The following ARFGEF1 variants were observed in gnomAD, a reference collection of about 807,000 sequenced individuals.
The protein encoded by ARFGEF1 is ARF guanine nucleotide exchange factor 1, also known as brefeldin A-inhibited guanine nucleotide-exchange protein 1.
ARFGEF1 carries 42 observed loss-of-function variants against 231.0 expected under a neutral mutation model. That is an observed-to-expected ratio of 0.18 (90% CI 0.14 to 0.24). The LOEUF (loss-of-function observed/expected upper bound fraction) is 0.24. Ranked by LOEUF, ARFGEF1 falls within the 10% of genes least tolerant of loss-of-function variation. The probability of loss-of-function intolerance (pLI) is 1.00; values close to 1 mark genes in which losing one functional copy is unlikely to be tolerated. For synonymous variants in ARFGEF1, 710 were observed against 732.3 expected (o/e 0.97, Z 0.49); for missense variants, 1,345 against 2,192.0 (o/e 0.61, Z 7.72).
chr8:67,175,356 C>T (rs750443075), downstream of ARFGEF1: 3 of 1,613,502 alleles, frequency 1.9e-6, no homozygotes, highest in Non-Finnish European at 2.5e-6. Flanking sequence ...GATCATCACA[C>T]CTTAGAGATT....
chr8:67,277,648 C>T (rs1805368794), intron 7 of ARFGEF1, among the ~76,000 whole-genome samples, 191 bp from the exon 8 acceptor site: 1 of 152,160 alleles, frequency 6.6e-6, no homozygotes, highest in South Asian at 2.1e-4. Context: ...AAATACAATC[C>T]TTAAGTTGCT....
intron 1 of ARFGEF1, among the ~76,000 whole-genome samples, chr8:67,322,011 G>A (rs1014475217): frequency 1.3e-5 from 2 of 152,152 alleles, no homozygotes; most frequent in Non-Finnish European, 2.9e-5. Flanking sequence ...CAATTGTAAA[G>A]GAACATTGTA....
chr8:67,343,139 T>TC, intron 1 of ARFGEF1, 25 bp downstream of exon 1: 1 of 335,798 alleles, frequency 3.0e-6, no homozygotes. Flanking sequence ...AAGCACCCCA[T>TC]CCCCCGGGCC....
chr8:67,204,969 C>T, intron 34 of ARFGEF1, 150 bp from the exon 35 acceptor site: 1 of 901,648 alleles, frequency 1.1e-6, no homozygotes, highest in Non-Finnish European at 1.6e-6. Context: ...ACAGGCACTA[C>T]TCAGTAAAAG....
At chr8:67,280,945 C>T (rs1424366543) in intron 7 of ARFGEF1, among the ~76,000 whole-genome samples, 3 of 151,752 alleles carry the variant, frequency 2.0e-5, no homozygotes, top group African/African-American at 7.3e-5. Flanking sequence ...TTAGATTTCA[C>T]AGCTGGGATA....
chr8:67,216,186 G>C (rs1463189839), intron 33 of ARFGEF1, among the ~76,000 whole-genome samples: 1 of 152,140 alleles, frequency 6.6e-6, no homozygotes, highest in Admixed American at 6.5e-5. Context: ...TGATATGAAT[G>C]TTTGCATTCC....
chr8:67,245,759 C>A lies in ARFGEF1; in HGVS notation c.2851-5469G>T, dbSNP rs1033317398. Among the ~76,000 whole-genome samples, 2 of 150,078 alleles carry A rather than the reference C, an allele frequency of 1.3e-5. 1 individual carries two copies. Among genetic ancestry groups the A allele is most frequent in the Non-Finnish European group, 3.0e-5 (2 of 67,730 alleles). Reference sequence around the variant, plus strand: ...GAGTAAGTCTTTATCAATAGTCACACTGAATATACATAGGCTAAACTCTTC... The same window carrying A: ...GAGTAAGTCTTTATCAATAGTCACAATGAATATACATAGGCTAAACTCTTC... On this transcript the variant is annotated intron_variant, in intron 19 of 38. Transcript: ENST00000262215.
chr8:67,262,624 C>G lies in ARFGEF1; in HGVS notation c.2124-2698G>C, dbSNP rs138229665. ...TCGTGAATGGAAGAGACAATCAAGG[C>G]AAAAAAGTTTACTGCTGTCTTATTT... is the stretch of plus-strand genomic sequence containing the variant. On this transcript the variant is annotated intron_variant, in intron 14 of 38. Transcript: ENST00000262215. 7.5e-4 allele frequency among the ~76,000 whole-genome samples: 114 copies of G among 152,090 alleles called. 1 individual carries two copies. Among genetic ancestry groups the G allele is most frequent in the African/African-American group, 2.6e-3 (107 of 41,508 alleles).
At chr8:67,233,001 C>A in intron 22 of ARFGEF1, 56 bp from the exon 23 acceptor site, 1 of 1,376,482 alleles carries the variant, frequency 7.3e-7, no homozygotes, top group Non-Finnish European at 1.0e-6. Context: ...TAGAAGAATA[C>A]ACTTAACAAG....
chr8:67,281,651 A>G (rs1805541293), intron 7 of ARFGEF1, among the ~76,000 whole-genome samples: 1 of 152,134 alleles, frequency 6.6e-6, no homozygotes, highest in Non-Finnish European at 1.5e-5. Flanking sequence ...GTAAAGGAAG[A>G]GACAAAGATA....
rs1806035698 is a variant in ARFGEF1, at chr8:67,292,131, T to A, written c.640-8A>T. The A allele has an allele frequency of 6.2e-7, 1 of 1,603,036 alleles. No individual in the cohort carries two copies. The highest frequency in any genetic ancestry group is 1.7e-5 in the Admixed American group (1 of 57,930). On this transcript the variant is annotated splice_region_variant and splice_polypyrimidine_tract_variant and intron_variant, in intron 5 of 38. Transcript: ENST00000262215. ...TTGTTTTGCTTCCTGTAACTGGAAA[T>A]AAATAAAATTTCCAATATTAGTAAA...
chr8:67,302,051 T>C (rs776962168), intron 2 of ARFGEF1, among the ~76,000 whole-genome samples: 7 of 151,848 alleles, frequency 4.6e-5, no homozygotes, highest in Admixed American at 2.6e-4. Flanking sequence ...TACAAAAAAT[T>C]AGACAGGCAT....
chr8:67,222,673 A>T, intron 29 of ARFGEF1, among the ~76,000 whole-genome samples: 1 of 151,470 alleles, frequency 6.6e-6, no homozygotes, highest in African/African-American at 2.4e-5. Flanking sequence ...ATGGTCTTGA[A>T]CTCCTGACCT....
downstream of ARFGEF1, chr8:67,195,682 C>A: frequency 2.8e-6 from 3 of 1,063,156 alleles, no homozygotes; most frequent in African/African-American, 3.2e-5. Flanking sequence ...TTGGCCCCTA[C>A]CTGAAAGTTA....
intron 34 of ARFGEF1, among the ~76,000 whole-genome samples, chr8:67,210,546 C>T (rs957340166): frequency 2.6e-5 from 4 of 152,102 alleles, no homozygotes; most frequent in Non-Finnish European, 5.9e-5. Context: ...TCCTTCACTA[C>T]TTCCCGTTGC....
chr8:67,197,936 G>T lies in ARFGEF1; in HGVS notation c.*998C>A. The T allele has an allele frequency of 1.0e-6, 1 of 985,750 alleles. No individual in the cohort carries two copies. Among genetic ancestry groups the T allele is most frequent in the Non-Finnish European group, 1.2e-6 (1 of 829,898 alleles). 61.1% of individuals were successfully genotyped at this position (985,750 alleles called of 1,614,324 possible). A position where few individuals can be genotyped will look rare whatever the true frequency, so the allele number is the denominator to read the frequency against. On this transcript the variant is annotated 3_prime_UTR_variant, in exon 39 of 39. Transcript: ENST00000262215. Reference sequence around the variant, plus strand: ...AACCTCCGCAAACCATGCCAGATTTGTTATTTTAATATATTCAACGTTAAA... The same window carrying T: ...AACCTCCGCAAACCATGCCAGATTTTTTATTTTAATATATTCAACGTTAAA...
downstream of ARFGEF1, among the ~76,000 whole-genome samples, chr8:67,197,282 A>T (rs945872091): frequency 6.9e-6 from 1 of 145,826 alleles, no homozygotes; most frequent in South Asian, 2.1e-4. Flanking sequence ...TCCCATCTCT[A>T]AAAAAAAAAA....
chr8:67,262,249 G>A (rs994835437), intron 14 of ARFGEF1, among the ~76,000 whole-genome samples: 3 of 152,178 alleles, frequency 2.0e-5, no homozygotes, highest in African/African-American at 7.2e-5. Flanking sequence ...ACGATTTTCA[G>A]GAGTCCAAGA....
intron 1 of ARFGEF1, among the ~76,000 whole-genome samples, chr8:67,334,633 A>G (rs111394903): frequency 0.022 from 3,369 of 152,326 alleles, 77 homozygotes; most frequent in South Asian, 0.047. Context: ...ACAAATATTC[A>G]TGGCAGTATT....
Sources: gnomAD v4.1 joint callset for allele counts (sites outside exome capture counted in the v4.1 genomes callset) on GRCh38, gnomAD v4.1.1 for gene constraint, MANE v1.5 for transcripts, NCBI Gene and HGNC (gene_info 2026-07-23, HGNC 2026-07-21) for gene names.